Variants in KCNH5 observed in about 807,000 individuals in gnomAD.
The protein encoded by KCNH5 is potassium voltage-gated channel subfamily H member 5.
In KCNH5, 46 loss-of-function variants were observed where a neutral mutation model predicts 96.1. The ratio of observed to expected loss-of-function variants is 0.48; its 90% CI spans 0.38 to 0.61. The LOEUF (loss-of-function observed/expected upper bound fraction) is 0.61, where lower values mean the gene tolerates loss of function less well. Ranked by LOEUF, KCNH5 falls within the 20% of genes least tolerant of loss-of-function variation. The pLI, the probability that KCNH5 is intolerant of heterozygous loss-of-function variation, is 0.00. For missense variants in KCNH5, 907 were observed against 1,225.8 expected (o/e 0.74, Z 3.88); for synonymous variants, 439 against 449.8 (o/e 0.98, Z 0.30).
intron 10 of KCNH5, among the ~76,000 whole-genome samples, chr14:62,763,207 G>A (rs747899832): frequency 1.3e-5 from 2 of 152,046 alleles, no homozygotes; most frequent in Non-Finnish European, 2.9e-5. Context: ...CCAGACCACA[G>A]CACAATAAAA....
chr14:62,779,024 T>C (rs1045608597), intron 10 of KCNH5, among the ~76,000 whole-genome samples: 2 of 152,238 alleles, frequency 1.3e-5, no homozygotes, highest in Non-Finnish European at 2.9e-5. Flanking sequence ...GGCGATCATT[T>C]TAGATAAAAT....
chr14:62,839,968 G>C (rs76679973), intron 8 of KCNH5, among the ~76,000 whole-genome samples: 4,291 of 152,078 alleles, frequency 0.028, 92 homozygotes, highest in South Asian at 0.057. Context: ...ATGGCTTCCT[G>C]TATTGTATTT....
At chr14:63,042,438 T>C (rs1304792101) in intron 1 of KCNH5, among the ~76,000 whole-genome samples, 7 of 152,258 alleles carry the variant, frequency 4.6e-5, no homozygotes, top group Admixed American at 4.6e-4. Context: ...ATCTGACCTT[T>C]TCATAAGAAG....
chr14:62,934,047 C>A, intron 7 of KCNH5, among the ~76,000 whole-genome samples: 1 of 152,120 alleles, frequency 6.6e-6, no homozygotes. Flanking sequence ...CACAGAAAGG[C>A]TCTGATCAAA....
At chr14:63,013,755 T>TA (rs1194117993) in intron 2 of KCNH5, among the ~76,000 whole-genome samples, 1 of 152,106 alleles carries the variant, frequency 6.6e-6, no homozygotes, top group Non-Finnish European at 1.5e-5. Flanking sequence ...GGCTTTTTTT[T>TA]ACTTGATAAT....
At chr14:62,742,808 A>T (rs568943422) in intron 10 of KCNH5, among the ~76,000 whole-genome samples, 1 of 152,308 alleles carries the variant, frequency 6.6e-6, no homozygotes, top group Non-Finnish European at 1.5e-5. Flanking sequence ...AGTTAGGATC[A>T]TGGACTACCT....
At chr14:62,909,896 C>T (rs1448764383) in intron 7 of KCNH5, among the ~76,000 whole-genome samples, 1 of 152,024 alleles carries the variant, frequency 6.6e-6, no homozygotes, top group Non-Finnish European at 1.5e-5. Flanking sequence ...CTTATCTCTT[C>T]TAACGAAAAA....
intron 6 of KCNH5, among the ~76,000 whole-genome samples, chr14:62,958,334 G>T (rs906611228): frequency 6.6e-6 from 1 of 152,174 alleles, no homozygotes; most frequent in African/African-American, 2.4e-5. Flanking sequence ...CACCTTGGGT[G>T]ATATCCATGG....
At chr14:62,787,830 T>C (rs1302650290) in intron 9 of KCNH5, among the ~76,000 whole-genome samples, 1 of 152,194 alleles carries the variant, frequency 6.6e-6, no homozygotes, top group Non-Finnish European at 1.5e-5. Flanking sequence ...CTGAATATTT[T>C]AAGCCTACTG....
chr14:62,959,474 A>G (rs1321976641), intron 6 of KCNH5, among the ~76,000 whole-genome samples: 1 of 152,098 alleles, frequency 6.6e-6, no homozygotes, highest in Non-Finnish European at 1.5e-5. Flanking sequence ...CTGGTTTCTT[A>G]GAATTAGGAC....
chr14:62,962,251 C>T (rs1463538125), intron 6 of KCNH5, among the ~76,000 whole-genome samples: 3 of 152,104 alleles, frequency 2.0e-5, no homozygotes, highest in African/African-American at 7.2e-5. Flanking sequence ...TTGACCAGGA[C>T]ATCATTTGGT....
chr14:62,764,951 G>A (rs1270964432), intron 10 of KCNH5, among the ~76,000 whole-genome samples: 1 of 152,022 alleles, frequency 6.6e-6, no homozygotes, highest in Non-Finnish European at 1.5e-5. Context: ...AATGTCCAAT[G>A]GTATTTATAG....
chr14:62,994,410 A>G (rs989431714), intron 4 of KCNH5, among the ~76,000 whole-genome samples: 2 of 152,080 alleles, frequency 1.3e-5, no homozygotes, highest in Admixed American at 1.3e-4. Context: ...GATTTAGGCC[A>G]TCTCTTTTAG....
chr14:62,933,754 T>C (rs751486377), intron 7 of KCNH5, among the ~76,000 whole-genome samples: 5 of 152,180 alleles, frequency 3.3e-5, no homozygotes, highest in Non-Finnish European at 7.4e-5. Flanking sequence ...TTCTTTAAAC[T>C]ACATGTATGT....
At chr14:63,005,195 C>A (rs1891101808) in intron 3 of KCNH5, among the ~76,000 whole-genome samples, 1 of 152,136 alleles carries the variant, frequency 6.6e-6, no homozygotes, top group African/African-American at 2.4e-5. Flanking sequence ...AACTGAAATT[C>A]TCTTTGGGCT....
At chr14:62,761,797 C>T (rs1329489309) in intron 10 of KCNH5, among the ~76,000 whole-genome samples, 2 of 152,092 alleles carry the variant, frequency 1.3e-5, no homozygotes, top group Non-Finnish European at 2.9e-5. Flanking sequence ...CCAAGAAAAG[C>T]ATCTCTCACC....
At chr14:62,945,211 T>C (rs1046875784) in intron 7 of KCNH5, among the ~76,000 whole-genome samples, 4 of 152,138 alleles carry the variant, frequency 2.6e-5, no homozygotes, top group Non-Finnish European at 5.9e-5. Context: ...AACATTTTGT[T>C]GGAGCTTCCA....
chr14:62,902,789 G>A (rs1490652032), intron 7 of KCNH5, among the ~76,000 whole-genome samples: 6 of 150,740 alleles, frequency 4.0e-5, no homozygotes, highest in East Asian at 2.0e-4. Flanking sequence ...GCACGATCTC[G>A]GCTCACTGCA....
intron 6 of KCNH5, among the ~76,000 whole-genome samples, chr14:62,956,421 C>T (rs1890105545): frequency 6.6e-6 from 1 of 152,050 alleles, no homozygotes; most frequent in Non-Finnish European, 1.5e-5. Context: ...CCTAACACAG[C>T]TACTAATCAC....
Sources: gnomAD v4.1 joint callset for allele counts (sites outside exome capture counted in the v4.1 genomes callset) on GRCh38, gnomAD v4.1.1 for gene constraint, MANE v1.5 for transcripts, NCBI Gene and HGNC (gene_info 2026-07-23, HGNC 2026-07-21) for gene names.